Variants in WDR41 observed in about 807,000 individuals in gnomAD.
The protein encoded by WDR41 is WD repeat-containing protein 41.
Under a neutral mutation model 69.3 loss-of-function variants are expected in WDR41, and 63 were observed. The ratio of observed to expected loss-of-function variants is 0.91; its 90% confidence interval spans 0.74 to 1.12. The LOEUF (loss-of-function observed/expected upper bound fraction) is 1.12. Among genes scored for constraint, WDR41 ranks in the 50% most tolerant of loss-of-function variants. The pLI, the probability that WDR41 is intolerant of heterozygous loss-of-function variation, is 0.00. For synonymous variants in WDR41, 185 were observed against 192.1 expected (o/e 0.96, Z 0.31); for missense variants, 543 against 534.5 (o/e 1.02, Z -0.16).
At chr5:77,552,006 A>AAATAAAATAAAAT in intron 1 of WDR41, among the ~76,000 whole-genome samples, 5 of 77,358 alleles carry the variant, frequency 6.5e-5, no homozygotes, top group African/African-American at 2.5e-4. Flanking sequence ...AAAATAAAAT[A>AAATAAAATAAAAT]AAATAAAATA....
intron 2 of WDR41, among the ~76,000 whole-genome samples, chr5:77,469,415 T>G (rs1800459360): frequency 1.3e-5 from 2 of 152,218 alleles, no homozygotes; most frequent in Non-Finnish European, 2.9e-5. Context: ...CAGATTTTGC[T>G]GACTACTTTC....
In WDR41 at chr5:77,489,553, A is replaced by G. The variant is rs150399552; in HGVS notation, c.71T>C (p.Ile24Thr). 33 of 1,553,584 alleles carry G rather than the reference A, an allele frequency of 2.1e-5. 1 individual carries two copies. In the East Asian group the frequency reaches 2.7e-4, roughly 13 times the overall value. Reference protein sequence around the residue: ...GLAEKSPLQTIGEEQTQNPYT... With the variant: ...GLAEKSPLQTTGEEQTQNPYT... ...GGGATTCTGGGTTTGTTCTTCACCT[A>G]TTGTCTGTAAAGGAGATTTCTTGTA... Residue 24 changes from isoleucine (I) to threonine (T), a missense_variant, in exon 2 of 13, where the codon ATA (isoleucine) becomes ACA (threonine). Coordinates refer to ENST00000296679, the MANE Select transcript of WDR41 (RefSeq NM_018268.4).
At chr5:77,556,912 C>T (rs1743412700) in intron 1 of WDR41, among the ~76,000 whole-genome samples, 1 of 152,038 alleles carries the variant, frequency 6.6e-6, no homozygotes, top group South Asian at 2.1e-4. Flanking sequence ...TTGAACTTCT[C>T]CTTGGCACCA....
At chr5:77,447,539 G>A (rs1037518233) in intron 8 of WDR41, among the ~76,000 whole-genome samples, 1 of 152,148 alleles carries the variant, frequency 6.6e-6, no homozygotes, top group African/African-American at 2.4e-5. Context: ...ACGATAGATT[G>A]GATAAAGAAA....
At chr5:77,609,687 T>C (rs1412263270) in intron 1 of WDR41, among the ~76,000 whole-genome samples, 8 of 151,798 alleles carry the variant, frequency 5.3e-5, no homozygotes, top group Middle Eastern at 3.4e-3. Context: ...CAAAAGTAGA[T>C]AAAACCACAA....
chr5:77,491,143 C>A, intron 1 of WDR41: 1 of 405,450 alleles, frequency 2.5e-6, no homozygotes, highest in Non-Finnish European at 5.0e-6. Flanking sequence ...TGATGACATT[C>A]CACCACAAAA....
At chr5:77,527,919 G>A (rs1802472665) in intron 1 of WDR41, among the ~76,000 whole-genome samples, 1 of 151,556 alleles carries the variant, frequency 6.6e-6, no homozygotes, top group East Asian at 1.9e-4. Flanking sequence ...GTAGTTTAAA[G>A]GAATACTTTA....
intron 1 of WDR41, among the ~76,000 whole-genome samples, chr5:77,606,845 A>G (rs1744429518): frequency 6.6e-6 from 1 of 151,310 alleles, no homozygotes; most frequent in Non-Finnish European, 1.5e-5. Context: ...AAAAAAAGCA[A>G]TGGGATATCA....
At chr5:77,528,236 A>G (rs963648269) in intron 1 of WDR41, among the ~76,000 whole-genome samples, 4 of 151,772 alleles carry the variant, frequency 2.6e-5, no homozygotes, top group African/African-American at 9.7e-5. Flanking sequence ...AAATTACTAC[A>G]TATACCAACT....
At chr5:77,436,438 C>G (rs533305537) in intron 11 of WDR41, 44 bp from the exon 12 acceptor site, 2 of 1,597,286 alleles carry the variant, frequency 1.3e-6, no homozygotes. Context: ...TCTGTACTTA[C>G]AATAACATGA....
intron 1 of WDR41, among the ~76,000 whole-genome samples, chr5:77,558,094 T>TTAAAAAAAAAAAAAAAAAAAAA (rs1554036365): frequency 3.8e-5 from 4 of 104,306 alleles, no homozygotes; most frequent in African/African-American, 1.4e-4. Flanking sequence ...ATGTTCTTTT[T>TTAAAAAAAAAAAAAAAAAAAAA]AAAAAAAAAA....
intron 2 of WDR41, among the ~76,000 whole-genome samples, chr5:77,486,960 A>C (rs1801553339): frequency 6.6e-6 from 1 of 152,240 alleles, no homozygotes; most frequent in Admixed American, 6.5e-5. Flanking sequence ...CTATCATTAA[A>C]CAACTAAAGT....
intron 1 of WDR41, among the ~76,000 whole-genome samples, chr5:77,507,398 C>T (rs1802125263): frequency 6.6e-6 from 1 of 152,130 alleles, no homozygotes; most frequent in South Asian, 2.1e-4. Flanking sequence ...TTGTAATTTG[C>T]CTTTATTTTT....
chr5:77,481,014 G>A (rs985643764), intron 2 of WDR41, among the ~76,000 whole-genome samples: 3 of 150,976 alleles, frequency 2.0e-5, no homozygotes, highest in Non-Finnish European at 4.4e-5. Context: ...AGACCCTTGT[G>A]GGTTTTCTGG....
intron 12 of WDR41, among the ~76,000 whole-genome samples, chr5:77,435,007 T>G (rs911472334): frequency 6.6e-6 from 1 of 152,128 alleles, no homozygotes; most frequent in African/African-American, 2.4e-5. Flanking sequence ...CCAAACCACG[T>G]TCCCAGGCTT....
In WDR41 at chr5:77,452,986, T is replaced by G. The variant is rs540510816; in HGVS notation, c.523+831A>C. 3 of 152,336 alleles carry G rather than the reference T, an allele frequency of 2.0e-5. No homozygotes were observed. The South Asian group carries it at 6.2e-4, about 32-fold the overall frequency. The allele number at this position is 152,336 out of a possible 1,614,324, so 9.4% of individuals were successfully genotyped here. On this transcript the variant is annotated intron_variant, in intron 6 of 12. Transcript: ENST00000296679. ...TAATAGTAAACAGGGAAATATATTCTAGATTTGAGCAAGACTATTAGTAAT... is the reference window on the plus strand; with the variant it reads ...TAATAGTAAACAGGGAAATATATTCGAGATTTGAGCAAGACTATTAGTAAT...
chr5:77,496,166 G>A (rs335662), upstream of WDR41, among the ~76,000 whole-genome samples: 92,974 of 151,864 alleles, frequency 0.61, 30,263 homozygotes, highest in African/African-American at 0.84. Flanking sequence ...CATCACATTC[G>A]ATGGTGAAAG....
chr5:77,514,809 C>A (rs1375120425), intron 1 of WDR41, among the ~76,000 whole-genome samples: 1 of 151,024 alleles, frequency 6.6e-6, no homozygotes, highest in African/African-American at 2.4e-5. Flanking sequence ...CTACTGTAGG[C>A]AATTGTAACA....
chr5:77,508,919 C>A (rs1392717605), intron 1 of WDR41, among the ~76,000 whole-genome samples: 1 of 152,174 alleles, frequency 6.6e-6, no homozygotes, highest in African/African-American at 2.4e-5. Flanking sequence ...CACTTTAAAA[C>A]CTTCTGCCCC....
Sources: gnomAD v4.1 joint callset for allele counts (sites outside exome capture counted in the v4.1 genomes callset) on GRCh38, gnomAD v4.1.1 for gene constraint, MANE v1.5 for transcripts, NCBI Gene and HGNC (gene_info 2026-07-23, HGNC 2026-07-21) for gene names.